The following KCNH8 variants were observed in gnomAD, a reference collection of about 807,000 sequenced individuals.
The protein encoded by KCNH8 is potassium voltage-gated channel subfamily H member 8.
A neutral mutation model predicts 103.6 loss-of-function variants in KCNH8; 70 were observed. That is an observed-to-expected ratio of 0.68 (90% CI 0.56 to 0.82). The LOEUF (loss-of-function observed/expected upper bound fraction) is 0.82. KCNH8 is among the 40% of genes least tolerant of loss of function. KCNH8 has a pLI of 0.00. For synonymous variants in KCNH8, 498 were observed against 489.4 expected (o/e 1.02, Z -0.23); for missense variants, 1,217 against 1,329.9 (o/e 0.92, Z 1.32).
At chr3:19,155,703 C>T (rs573725603) in intron 1 of KCNH8, among the ~76,000 whole-genome samples, 1 of 152,288 alleles carries the variant, frequency 6.6e-6, no homozygotes, top group South Asian at 2.1e-4. Context: ...GAGCAAGATG[C>T]TTTTTGTTCA....
intron 3 of KCNH8, among the ~76,000 whole-genome samples, chr3:19,331,285 A>G (rs1160262313): frequency 1.4e-5 from 2 of 139,784 alleles, no homozygotes; most frequent in Admixed American, 7.0e-5. Context: ...TTATTTATTT[A>G]TTGTTGTTAT....
chr3:19,287,606 A>G (rs1172536602), intron 3 of KCNH8, among the ~76,000 whole-genome samples: 2 of 144,600 alleles, frequency 1.4e-5, no homozygotes, highest in Admixed American at 6.8e-5. Context: ...GTTGTTGTTG[A>G]GTTGGAGTCT....
At chr3:19,495,397 A>G (rs2068417690) in intron 11 of KCNH8, among the ~76,000 whole-genome samples, 1 of 152,120 alleles carries the variant, frequency 6.6e-6, no homozygotes, top group African/African-American at 2.4e-5. Context: ...AGGGTCCAGT[A>G]TCAATCTTCT....
At chr3:19,339,830 C>T (rs974413009) in intron 3 of KCNH8, among the ~76,000 whole-genome samples, 1 of 151,812 alleles carries the variant, frequency 6.6e-6, no homozygotes, top group Admixed American at 6.6e-5. Context: ...AATTAAAGTC[C>T]GTGAAAGACT....
chr3:19,430,611 C>G (rs1490535775), intron 7 of KCNH8, among the ~76,000 whole-genome samples: 1 of 152,140 alleles, frequency 6.6e-6, no homozygotes, highest in East Asian at 1.9e-4. Flanking sequence ...TCCTTCTATG[C>G]ATGAGCATAG....
chr3:19,522,715 T>A (rs1033958105), intron 15 of KCNH8, among the ~76,000 whole-genome samples: 1 of 151,818 alleles, frequency 6.6e-6, no homozygotes, highest in Non-Finnish European at 1.5e-5. Flanking sequence ...TCCTCTACAG[T>A]TGAAGTCATT....
intron 2 of KCNH8, 55 bp from the exon 3 acceptor site, chr3:19,281,143 T>G: frequency 1.9e-6 from 3 of 1,567,530 alleles, no homozygotes; most frequent in South Asian, 2.4e-5. Context: ...GAGATTTCCA[T>G]AGAGATAACA....
chr3:19,524,005 T>A (rs1256601867), intron 15 of KCNH8, among the ~76,000 whole-genome samples: 1 of 151,898 alleles, frequency 6.6e-6, no homozygotes, highest in African/African-American at 2.4e-5. Context: ...GATGGAATAA[T>A]AAGAGAGGCT....
intron 2 of KCNH8, among the ~76,000 whole-genome samples, chr3:19,277,511 C>T (rs1200139523): frequency 6.6e-6 from 1 of 152,108 alleles, no homozygotes; most frequent in Non-Finnish European, 1.5e-5. Context: ...GATCATGCCA[C>T]TGCACTCCTA....
intron 3 of KCNH8, among the ~76,000 whole-genome samples, chr3:19,327,571 T>C (rs1221481407): frequency 1.3e-5 from 2 of 152,234 alleles, no homozygotes; most frequent in Non-Finnish European, 2.9e-5. Flanking sequence ...ATTACAGGCC[T>C]GAGCCACCAT....
At chr3:19,412,115 A>G (rs981853487) in intron 7 of KCNH8, among the ~76,000 whole-genome samples, 2 of 152,136 alleles carry the variant, frequency 1.3e-5, no homozygotes, top group Non-Finnish European at 2.9e-5. Context: ...ACAAAGCTGA[A>G]GGCATCACAT....
intron 11 of KCNH8, among the ~76,000 whole-genome samples, chr3:19,493,349 T>C (rs918751316): frequency 1.3e-5 from 2 of 152,130 alleles, no homozygotes; most frequent in Admixed American, 6.5e-5. Flanking sequence ...CAGGTGTTCA[T>C]GGGGAGAACT....
At chr3:19,353,535 A>G (rs927516534) in intron 5 of KCNH8, among the ~76,000 whole-genome samples, 1 of 152,210 alleles carries the variant, frequency 6.6e-6, no homozygotes, top group Non-Finnish European at 1.5e-5. Flanking sequence ...CTTATCCACC[A>G]CGATCAAGTT....
intron 1 of KCNH8, among the ~76,000 whole-genome samples, chr3:19,229,266 G>C (rs190357897): frequency 3.3e-5 from 5 of 152,338 alleles, no homozygotes; most frequent in African/African-American, 1.2e-4. Context: ...TGGTGCCCCA[G>C]TAGGGACTCT....
At chr3:19,234,166 G>T (rs1440185918) in intron 1 of KCNH8, among the ~76,000 whole-genome samples, 1 of 152,204 alleles carries the variant, frequency 6.6e-6, no homozygotes, top group Non-Finnish European at 1.5e-5. Context: ...CAATCCCTGC[G>T]CTAGACACAA....
intron 11 of KCNH8, among the ~76,000 whole-genome samples, chr3:19,497,083 G>C (rs1383592804): frequency 6.6e-6 from 1 of 151,986 alleles, no homozygotes; most frequent in Non-Finnish European, 1.5e-5. Flanking sequence ...TATTCCTGTA[G>C]GTCAGTGGTA....
chr3:19,391,233 G>T (rs1329943761), intron 6 of KCNH8, among the ~76,000 whole-genome samples: 1 of 151,992 alleles, frequency 6.6e-6, no homozygotes, highest in African/African-American at 2.4e-5. Flanking sequence ...ATGAATCTTG[G>T]TACCTTCTTT....
intron 7 of KCNH8, among the ~76,000 whole-genome samples, chr3:19,426,789 A>G (rs767825642): frequency 3.3e-5 from 5 of 152,030 alleles, no homozygotes; most frequent in Non-Finnish European, 5.9e-5. Context: ...ACTTTTGCCT[A>G]CTTTTGAATC....
intron 2 of KCNH8, 103 bp from the exon 3 acceptor site, chr3:19,281,095 G>T (rs903956532): frequency 1.6e-6 from 2 of 1,244,940 alleles, no homozygotes; most frequent in African/African-American, 3.1e-5. Context: ...TTGTGGGATT[G>T]AAGAAAACAC....
Sources: gnomAD v4.1 joint callset for allele counts (sites outside exome capture counted in the v4.1 genomes callset) on GRCh38, gnomAD v4.1.1 for gene constraint, MANE v1.5 for transcripts, NCBI Gene and HGNC (gene_info 2026-07-23, HGNC 2026-07-21) for gene names.